Variants in GRM8 observed in about 807,000 individuals in gnomAD.
GRM8 encodes the protein metabotropic glutamate receptor 8.
A neutral mutation model predicts 87.2 loss-of-function variants in GRM8; 47 were observed. The ratio of observed to expected loss-of-function variants is 0.54; its 90% CI spans 0.43 to 0.69. The LOEUF (loss-of-function observed/expected upper bound fraction) is 0.69, where lower values mean the gene tolerates loss of function less well. Ranked by LOEUF, GRM8 falls within the 30% of genes least tolerant of loss-of-function variation. The pLI is 0.00. For synonymous variants in GRM8, 396 were observed against 404.5 expected (o/e 0.98, Z 0.25); for missense variants, 1,019 against 1,139.2 (o/e 0.89, Z 1.52).
chr7:126,648,034 C>T (rs2074746989), intron 7 of GRM8, among the ~76,000 whole-genome samples: 1 of 152,100 alleles, frequency 6.6e-6, no homozygotes, highest in Non-Finnish European at 1.5e-5. Context: ...ATCATATGTG[C>T]CATCTCACAT....
chr7:126,655,826 C>T (rs1804458362), intron 7 of GRM8, among the ~76,000 whole-genome samples: 1 of 152,010 alleles, frequency 6.6e-6, no homozygotes, highest in African/African-American at 2.4e-5. Flanking sequence ...TAACTGACTC[C>T]CAAGGTAGAT....
intron 6 of GRM8, among the ~76,000 whole-genome samples, chr7:126,831,017 G>T (rs1041568655): frequency 2.0e-5 from 3 of 152,160 alleles, no homozygotes; most frequent in Non-Finnish European, 4.4e-5. Flanking sequence ...GCAGAACCGC[G>T]GATTTTCGTG....
intron 7 of GRM8, among the ~76,000 whole-genome samples, chr7:126,766,751 G>C (rs1385752306): frequency 6.6e-6 from 1 of 152,140 alleles, no homozygotes; most frequent in Non-Finnish European, 1.5e-5. Context: ...AGCAAACCTT[G>C]TTTTGGCCAA....
intron 7 of GRM8, among the ~76,000 whole-genome samples, chr7:126,656,002 T>A (rs1450513889): frequency 6.6e-6 from 1 of 152,216 alleles, no homozygotes; most frequent in Non-Finnish European, 1.5e-5. Flanking sequence ...TAATGTAACA[T>A]AAATAATAAA....
At chr7:126,584,851 A>T (rs914855662) in intron 8 of GRM8, among the ~76,000 whole-genome samples, 9 of 152,198 alleles carry the variant, frequency 5.9e-5, no homozygotes, top group African/African-American at 2.2e-4. Flanking sequence ...CAAAAAAAAA[A>T]ATCATAGTCA....
intron 7 of GRM8, among the ~76,000 whole-genome samples, chr7:126,765,339 C>T (rs1257008131): frequency 6.6e-6 from 1 of 151,970 alleles, no homozygotes; most frequent in African/African-American, 2.4e-5. Context: ...TCCCGCTATG[C>T]GGTTTCCTGA....
chr7:126,691,619 T>A (rs1808823959), intron 7 of GRM8, among the ~76,000 whole-genome samples: 1 of 152,170 alleles, frequency 6.6e-6, no homozygotes, highest in South Asian at 2.1e-4. Flanking sequence ...TCATTAGAGC[T>A]GGCCAGAAGA....
intron 8 of GRM8, among the ~76,000 whole-genome samples, chr7:126,540,783 C>A (rs1056265939): frequency 6.6e-6 from 1 of 152,052 alleles, no homozygotes; most frequent in Non-Finnish European, 1.5e-5. Context: ...AGAATGACCA[C>A]TAAAGGGTAT....
intron 2 of GRM8, among the ~76,000 whole-genome samples, chr7:127,151,299 C>T (rs986845884): frequency 1.3e-5 from 2 of 152,060 alleles, no homozygotes; most frequent in Non-Finnish European, 2.9e-5. Context: ...AACTCAACCA[C>T]CTAAGGGTTC....
intron 8 of GRM8, among the ~76,000 whole-genome samples, chr7:126,585,485 C>A (rs1332222097): frequency 6.6e-6 from 1 of 152,094 alleles, no homozygotes; most frequent in African/African-American, 2.4e-5. Flanking sequence ...AATAAACTAA[C>A]ATTAGAAACA....
At chr7:126,607,200 T>C (rs10230311) in intron 8 of GRM8, among the ~76,000 whole-genome samples, 1 of 152,174 alleles carries the variant, frequency 6.6e-6, no homozygotes, top group African/African-American at 2.4e-5. Context: ...TCAATATGGA[T>C]TGCAGAACAA....
rs117731761 is a variant in GRM8, at chr7:126,469,158, A to G, written c.2431-22786T>C. 4.4e-4 allele frequency among the ~76,000 whole-genome samples: 67 copies of G among 152,216 alleles called. No homozygotes were observed. In the East Asian group the frequency reaches 8.9e-3, roughly 20 times the overall value. On this transcript the variant is annotated intron_variant, in intron 9 of 10. Transcript: ENST00000339582. ...TTTTCCTCACATACCTACATTTTCAATTTTACCAGAGAATAATCCAGTAGA... is the reference window on the plus strand; with the variant it reads ...TTTTCCTCACATACCTACATTTTCAGTTTTACCAGAGAATAATCCAGTAGA...
At chr7:126,559,452 C>T (rs1447770784) in intron 8 of GRM8, among the ~76,000 whole-genome samples, 1 of 152,126 alleles carries the variant, frequency 6.6e-6, no homozygotes, top group Non-Finnish European at 1.5e-5. Flanking sequence ...GGATTACAGG[C>T]ATACGCCACC....
chr7:127,035,089 G>A (rs1457378606), intron 3 of GRM8, among the ~76,000 whole-genome samples: 1 of 152,170 alleles, frequency 6.6e-6, no homozygotes, highest in Non-Finnish European at 1.5e-5. Context: ...TTGTATCACT[G>A]AAATAATGCC....
At chr7:126,480,110 C>T (rs1049835407) in intron 9 of GRM8, among the ~76,000 whole-genome samples, 2 of 152,084 alleles carry the variant, frequency 1.3e-5, no homozygotes, top group South Asian at 4.1e-4. Flanking sequence ...TTGGGCCAGG[C>T]TCAGTGGTGC....
At chr7:126,635,899 C>G (rs894931118) in intron 7 of GRM8, among the ~76,000 whole-genome samples, 1 of 152,078 alleles carries the variant, frequency 6.6e-6, no homozygotes, top group African/African-American at 2.4e-5. Flanking sequence ...TTCCTAAATA[C>G]ACACAAGCAT....
intron 7 of GRM8, among the ~76,000 whole-genome samples, chr7:126,625,952 T>C (rs1011423010): frequency 6.6e-6 from 1 of 152,050 alleles, no homozygotes; most frequent in Non-Finnish European, 1.5e-5. Flanking sequence ...CCTCTTTTCA[T>C]CTTATGTACT....
chr7:126,670,874 C>T lies in GRM8; in HGVS notation c.1358-61376G>A, dbSNP rs1225351668. Among the ~76,000 whole-genome samples the T allele has an allele frequency of 2.0e-5, 3 of 152,298 alleles. No individual in the cohort carries two copies. The East Asian group carries it at 5.8e-4, about 29-fold the overall frequency. On this transcript the variant is annotated intron_variant, in intron 7 of 10. Transcript: ENST00000339582. The stretch of plus-strand genomic sequence containing the variant: ...CTTTAATAATTAAGTGAAGTATACA[C>T]TCCTGTGGTCAAAATTTGGAGCATG...
chr7:126,757,817 G>A (rs1817182924), intron 7 of GRM8, among the ~76,000 whole-genome samples: 1 of 152,104 alleles, frequency 6.6e-6, no homozygotes, highest in Non-Finnish European at 1.5e-5. Context: ...CACATTCCCT[G>A]AACACCTTTT....
Sources: gnomAD v4.1 joint callset for allele counts (sites outside exome capture counted in the v4.1 genomes callset) on GRCh38, gnomAD v4.1.1 for gene constraint, MANE v1.5 for transcripts, NCBI Gene and HGNC (gene_info 2026-07-23, HGNC 2026-07-21) for gene names.